The following NSD1 variants were observed in gnomAD, a reference collection of about 807,000 sequenced individuals.
NSD1 encodes histone-lysine N-methyltransferase, H3 lysine-36 specific.
NSD1 carries 26 observed loss-of-function variants against 242.7 expected under a neutral mutation model. That is an observed-to-expected ratio of 0.11 (90% confidence interval 0.08 to 0.15). The LOEUF (loss-of-function observed/expected upper bound fraction) is 0.15. Among genes scored for constraint, NSD1 ranks in the 10% least tolerant of loss-of-function variants. The pLI is 1.00. For missense variants in NSD1, 2,495 were observed against 3,272.8 expected, an observed-to-expected ratio of 0.76 and a Z score of 5.80; for synonymous variants, 1,106 against 1,178.1, an observed-to-expected ratio of 0.94 and a Z score of 1.25.
intron 2 of NSD1, among the ~76,000 whole-genome samples, chr5:177,145,521 C>A (rs1002133834): frequency 1.3e-5 from 2 of 152,144 alleles, no homozygotes; most frequent in Non-Finnish European, 1.5e-5. Flanking sequence ...TGGCTTCAGG[C>A]AATTCTCCTA....
At chr5:177,248,866 C>G (rs1310373304) in intron 11 of NSD1, among the ~76,000 whole-genome samples, 2 of 152,122 alleles carry the variant, frequency 1.3e-5, no homozygotes, top group Non-Finnish European at 2.9e-5. Context: ...TGATTATTCC[C>G]ATTTTGCAGA....
chr5:177,145,618 A>G (rs1757174352), intron 2 of NSD1, among the ~76,000 whole-genome samples: 1 of 152,130 alleles, frequency 6.6e-6, no homozygotes, highest in African/African-American at 2.4e-5. Context: ...AGTTGTAACA[A>G]ATTCCATGGC....
intron 3 of NSD1, among the ~76,000 whole-genome samples, chr5:177,195,699 G>T (rs1427812737): frequency 3.9e-5 from 6 of 152,112 alleles, no homozygotes; most frequent in Non-Finnish European, 5.9e-5. Flanking sequence ...AAACTCCTGG[G>T]CTCAAGCGAT....
In NSD1 at chr5:177,294,915, C is replaced by T. The variant is rs1426030872; in HGVS notation, c.7547C>T (p.Ser2516Phe). ...KGCVSDPLQT[S>F]GKAAAPSEDP... is the part of the protein sequence containing the mutation. ...TGTGTGTCAGATCCTCTTCAGACAT[C>T]TGGGAAAGCAGCAGCCCCTTCAGAG... Residue 2516 changes from serine (S) to phenylalanine (F), a missense_variant, in exon 23 of 23, where the codon TCT becomes TTT. Coordinates refer to ENST00000439151, the MANE Select transcript of NSD1 (RefSeq NM_022455.5). 5 of 1,614,108 alleles carry T rather than the reference C, an allele frequency of 3.1e-6. No individual in the cohort carries two copies. The highest frequency in any genetic ancestry group is 1.3e-5 in the African/African-American group (1 of 75,056).
intron 2 of NSD1, among the ~76,000 whole-genome samples, chr5:177,155,398 G>A (rs1758046558): frequency 6.6e-6 from 1 of 152,038 alleles, no homozygotes; most frequent in Non-Finnish European, 1.5e-5. Context: ...AAAGTGCTGG[G>A]ATAACAGGAG....
At chr5:177,218,594 G>C (rs1462814986) in intron 5 of NSD1, among the ~76,000 whole-genome samples, 4 of 148,880 alleles carry the variant, frequency 2.7e-5, no homozygotes, top group South Asian at 4.2e-4. Context: ...TTGAGACGGA[G>C]TCTCGCTCTG....
At chr5:177,242,224 CTG>C (rs1205907318) in intron 8 of NSD1, among the ~76,000 whole-genome samples, 1 of 151,236 alleles carries the variant, frequency 6.6e-6, no homozygotes, top group Non-Finnish European at 1.5e-5. Context: ...TTTTGGGTAA[CTG>C]TTAAACAATG....
At chr5:177,216,580 T>C (rs1300315174) in intron 5 of NSD1, among the ~76,000 whole-genome samples, 2 of 152,132 alleles carry the variant, frequency 1.3e-5, no homozygotes, top group Non-Finnish European at 2.9e-5. Flanking sequence ...ATACCATCTG[T>C]TAAAGAGACT....
intron 15 of NSD1, among the ~76,000 whole-genome samples, chr5:177,268,778 C>T (rs529554034): frequency 6.6e-6 from 1 of 152,230 alleles, no homozygotes; most frequent in African/African-American, 2.4e-5. Context: ...TTTCCTGCAA[C>T]TTTTTTCATT....
chr5:177,206,681 T>C (rs1353446392), intron 4 of NSD1, among the ~76,000 whole-genome samples: 1 of 152,224 alleles, frequency 6.6e-6, no homozygotes, highest in Non-Finnish European at 1.5e-5. Context: ...GGTTAACGGC[T>C]TCCTTTCAGA....
intron 5 of NSD1, among the ~76,000 whole-genome samples, chr5:177,223,327 T>G (rs1764386291): frequency 6.6e-6 from 1 of 152,022 alleles, no homozygotes; most frequent in Admixed American, 6.6e-5. Flanking sequence ...ATCCCAGCAC[T>G]TTTGGGAGGC....
At chr5:177,179,374 C>T (rs1373375673) in intron 2 of NSD1, among the ~76,000 whole-genome samples, 2 of 152,142 alleles carry the variant, frequency 1.3e-5, no homozygotes, top group Admixed American at 1.3e-4. Context: ...CGCCACCACG[C>T]CCAGCTGATT....
chr5:177,210,858 A>G lies in NSD1; in HGVS notation c.2459A>G (p.Lys820Arg). The change falls in exon 5 of 23, where the codon AAA becomes AGA. Residue 820 changes from lysine (K) to arginine (R), a missense_variant. Lys to Arg is a conservative substitution (Grantham distance 26). Transcript: ENST00000439151. ...TTGAAATGCTGCTCTTCTGATACCAAAGGCTCTCCTTTGGCCAGCATTTCT... is the reference window on the plus strand; with the variant it reads ...TTGAAATGCTGCTCTTCTGATACCAGAGGCTCTCCTTTGGCCAGCATTTCT... ...CSLKCCSSDT[K>R]GSPLASISKS... The G allele has an allele frequency of 6.2e-7, 1 of 1,614,178 alleles. No homozygotes were observed. The highest frequency in any genetic ancestry group is 1.1e-5 in the South Asian group (1 of 91,078).
chr5:177,154,289 G>A (rs1355505853), intron 2 of NSD1, among the ~76,000 whole-genome samples: 7 of 152,096 alleles, frequency 4.6e-5, no homozygotes, highest in African/African-American at 1.7e-4. Context: ...AGCAGATAGG[G>A]AAGGGATTAC....
At chr5:177,153,326 T>G (rs1387988671) in intron 2 of NSD1, among the ~76,000 whole-genome samples, 1 of 152,078 alleles carries the variant, frequency 6.6e-6, no homozygotes, top group Non-Finnish European at 1.5e-5. Flanking sequence ...TTTACCATTT[T>G]ACACACAGTT....
intron 14 of NSD1, chr5:177,265,783 G>A: frequency 6.9e-7 from 1 of 1,449,068 alleles, no homozygotes; most frequent in Non-Finnish European, 9.7e-7. Context: ...TGGTGGAGAA[G>A]CCGGTCCCTC....
intron 2 of NSD1, among the ~76,000 whole-genome samples, chr5:177,158,529 G>C (rs932697530): frequency 2.0e-5 from 3 of 151,724 alleles, no homozygotes; most frequent in African/African-American, 7.3e-5. Flanking sequence ...GTAGTGACAG[G>C]GTTTCACCAC....
In NSD1 at chr5:177,251,620, C is replaced by G. The variant is rs963121135; in HGVS notation, c.4642-110C>G. The G allele has an allele frequency of 7.1e-6, 8 of 1,125,832 alleles. No individual in the cohort carries two copies. The East Asian group carries it at 2.0e-4, about 28-fold the overall frequency. The allele number at this position is 1,125,832 out of a possible 1,614,324, so 69.7% of individuals were successfully genotyped here. A position where few individuals can be genotyped will look rare whatever the true frequency, so the allele number is the denominator to read the frequency against. On this transcript the variant is annotated intron_variant, in intron 11 of 22. Transcript: ENST00000439151. ...ACTACGGGCCCTTGCCTCTTTCTCA[C>G]CTCCTTTTCTGCCACTTTTAACCTT... is the stretch of plus-strand genomic sequence containing the variant.
intron 2 of NSD1, among the ~76,000 whole-genome samples, chr5:177,182,554 G>T (rs1760778279): frequency 6.6e-6 from 1 of 152,076 alleles, no homozygotes; most frequent in South Asian, 2.1e-4. Flanking sequence ...GAACTACAAG[G>T]TTGTGCCAGC....
Sources: allele counts gnomAD v4.1 joint callset (sites outside exome capture counted in the v4.1 genomes callset), GRCh38; gene constraint gnomAD v4.1.1; transcripts MANE v1.5; gene names NCBI Gene and HGNC (gene_info 2026-07-23, HGNC 2026-07-21).